The following MYLK variants were observed in gnomAD, a reference collection of about 807,000 sequenced individuals.
MYLK encodes myosin light chain kinase.
Under a neutral mutation model 203.4 loss-of-function variants are expected in MYLK, and 106 were observed. That is an observed-to-expected ratio of 0.52 (90% CI 0.45 to 0.61). MYLK has a LOEUF of 0.61. Ranked by LOEUF, MYLK falls within the 20% of genes least tolerant of loss-of-function variation. MYLK has a pLI of 0.00. For synonymous variants in MYLK, 867 were observed against 959.5 expected (o/e 0.90, Z 1.78); for missense variants, 2,072 against 2,442.3 (o/e 0.85, Z 3.20).
chr3:123,722,059 G>A (rs1576733269), intron 13 of MYLK, 69 bp downstream of exon 13: 2 of 1,539,606 alleles, frequency 1.3e-6, no homozygotes, highest in South Asian at 2.4e-5. Context: ...TTCTACAAAT[G>A]TGCCCTTCCT....
intron 13 of MYLK, among the ~76,000 whole-genome samples, chr3:123,714,687 GA>G (rs1346666092): frequency 2.0e-5 from 3 of 152,182 alleles, no homozygotes; most frequent in Admixed American, 6.5e-5. Flanking sequence ...CTTCTTTCTG[GA>G]GTGCAGAAAG....
chr3:123,756,421 T>C (rs2063361588), intron 4 of MYLK, among the ~76,000 whole-genome samples: 1 of 152,106 alleles, frequency 6.6e-6, no homozygotes, highest in African/African-American at 2.4e-5. Context: ...GTCAGTGTGG[T>C]ACAGAGAGGC....
At chr3:123,789,711 G>A (rs755799629) in intron 4 of MYLK, among the ~76,000 whole-genome samples, 47 of 151,120 alleles carry the variant, frequency 3.1e-4, no homozygotes, top group Non-Finnish European at 6.2e-4. Flanking sequence ...GGGAAGGAGA[G>A]GGGAGAGGAG....
At chr3:123,756,252 T>G (rs1162766992) in intron 4 of MYLK, among the ~76,000 whole-genome samples, 2 of 152,178 alleles carry the variant, frequency 1.3e-5, no homozygotes, top group Non-Finnish European at 2.9e-5. Context: ...CTAAATCCCT[T>G]ATAGGTTAAA....
chr3:123,689,023 T>C (rs902948672), intron 19 of MYLK, among the ~76,000 whole-genome samples: 1 of 152,198 alleles, frequency 6.6e-6, no homozygotes, highest in Non-Finnish European at 1.5e-5. Flanking sequence ...CCAGCTCCTA[T>C]GGCAGTGCCT....
At chr3:123,758,052 CAAA>C in intron 4 of MYLK, among the ~76,000 whole-genome samples, 1 of 129,424 alleles carries the variant, frequency 7.7e-6, no homozygotes, top group East Asian at 2.2e-4. Context: ...CGTGGTTGCA[CAAA>C]AAAAAAAAAG....
chr3:123,631,814 G>T (rs897524622), intron 29 of MYLK, among the ~76,000 whole-genome samples: 1 of 151,984 alleles, frequency 6.6e-6, no homozygotes, highest in Middle Eastern at 3.4e-3. Flanking sequence ...ACCTGTCCCC[G>T]AGTCTGCACT....
In MYLK at chr3:123,700,481, C is replaced by G. The variant is rs761654890; in HGVS notation, c.2987G>C (p.Gly996Ala). The change falls in exon 18 of 34, where the codon GGC (glycine) becomes GCC (alanine). Residue 996 changes from glycine (G) to alanine (A), a missense_variant. Transcript: ENST00000360304. ...GGKKKLPAEN[G>A]SSSAETLNAK... Reference sequence around the variant, plus strand: ...ATTCAGGGTCTCGGCACTGCTGCTGCCATTCTCTGCTGGTAATTTCTTCTT... The same window carrying G: ...ATTCAGGGTCTCGGCACTGCTGCTGGCATTCTCTGCTGGTAATTTCTTCTT... 2 of 1,607,676 alleles carry G rather than the reference C, an allele frequency of 1.2e-6. No individual in the cohort carries two copies. Among genetic ancestry groups the G allele is most frequent in the Non-Finnish European group, 1.7e-6 (2 of 1,175,598 alleles).
chr3:123,656,855 C>T (rs1248394223), intron 24 of MYLK, among the ~76,000 whole-genome samples: 1 of 152,188 alleles, frequency 6.6e-6, no homozygotes, highest in Non-Finnish European at 1.5e-5. Flanking sequence ...GCCGCTTGAA[C>T]TCCTATGCTC....
chr3:123,755,825 G>C (rs1281399662), intron 4 of MYLK, among the ~76,000 whole-genome samples: 1 of 152,082 alleles, frequency 6.6e-6, no homozygotes, highest in African/African-American at 2.4e-5. Context: ...TTTTCAGAGG[G>C]CTGCCATGTA....
At chr3:123,724,398 C>T (rs1378223016) in intron 12 of MYLK, among the ~76,000 whole-genome samples, 1 of 152,102 alleles carries the variant, frequency 6.6e-6, no homozygotes, top group East Asian at 1.9e-4. Flanking sequence ...TTTGTTGATA[C>T]TTAGTCTAGA....
At chr3:123,744,924 T>C (rs1381506737) in intron 5 of MYLK, among the ~76,000 whole-genome samples, 1 of 152,212 alleles carries the variant, frequency 6.6e-6, no homozygotes, top group East Asian at 1.9e-4. Flanking sequence ...TTAAGTCTCC[T>C]CTGATCCACA....
chr3:123,776,257 C>A (rs1273387317), intron 4 of MYLK, among the ~76,000 whole-genome samples: 2 of 152,112 alleles, frequency 1.3e-5, no homozygotes, highest in Admixed American at 6.6e-5. Flanking sequence ...CCAGATGTGA[C>A]AAGGCAAGTT....
At chr3:123,769,311 G>A (rs1368563334) in intron 4 of MYLK, among the ~76,000 whole-genome samples, 1 of 152,216 alleles carries the variant, frequency 6.6e-6, no homozygotes, top group African/African-American at 2.4e-5. Context: ...CTGGAAAAAT[G>A]AGAATATTTT....
At chr3:123,834,603 G>T (rs1349009002) in intron 2 of MYLK, among the ~76,000 whole-genome samples, 1 of 152,038 alleles carries the variant, frequency 6.6e-6, no homozygotes, top group Non-Finnish European at 1.5e-5. Context: ...TGCGCAGTGG[G>T]ATTATTGACT....
intron 4 of MYLK, among the ~76,000 whole-genome samples, chr3:123,770,429 T>C (rs2063841041): frequency 6.6e-6 from 1 of 152,248 alleles, no homozygotes; most frequent in African/African-American, 2.4e-5. Context: ...GAAGGGCAGC[T>C]AACATTGAAA....
intron 32 of MYLK, among the ~76,000 whole-genome samples, chr3:123,619,467 A>G (rs1341612442): frequency 2.0e-5 from 3 of 152,168 alleles, no homozygotes; most frequent in Non-Finnish European, 4.4e-5. Context: ...CAATAACCCT[A>G]CCTTTGCTCA....
rs147135953 is a variant in MYLK, at chr3:123,781,335, T to C, written c.165+12342A>G. ...CACCAAGTCTCCAGTAACTCTGCCCTCCAGTGGCTGGACAAATGGAATCCT... is the reference window on the plus strand; with the variant it reads ...CACCAAGTCTCCAGTAACTCTGCCCCCCAGTGGCTGGACAAATGGAATCCT... On this transcript the variant is annotated intron_variant, in intron 4 of 33. Transcript: ENST00000360304. Among the ~76,000 whole-genome samples, 237 of 152,308 alleles carry C rather than the reference T, an allele frequency of 1.6e-3. 2 individuals carry two copies. Among genetic ancestry groups the C allele is most frequent in the African/African-American group, 4.8e-3 (198 of 41,568 alleles).
Position 123,793,795 on chromosome 3 carries a change from G to A in MYLK, c.47C>T (p.Ser16Phe), listed in dbSNP as rs1232197656. Reference sequence around the variant, plus strand: ...AACTCTTGAGGGATCCACACTGAGGGAGGTTTTGGAAATGTGTGACGAGGC... The same window carrying A: ...AACTCTTGAGGGATCCACACTGAGGAAGGTTTTGGAAATGTGTGACGAGGC... ...LVASSHISKT[S>F]LSVDPSRVDS... is the part of the protein sequence containing the mutation. Residue 16 changes from serine (S) to phenylalanine (F), a missense_variant, in exon 4 of 34, where the codon TCC (serine) becomes TTC (phenylalanine). Physicochemically the swap from Ser to Phe is radical, Grantham distance 155. Coordinates refer to ENST00000360304, the MANE Select transcript of MYLK (RefSeq NM_053025.4). 7 of 1,614,140 alleles carry A rather than the reference G, an allele frequency of 4.3e-6. No individual in the cohort carries two copies. The highest frequency in any genetic ancestry group is 2.2e-5 in the East Asian group (1 of 44,890).
Sources: allele counts gnomAD v4.1 joint callset (sites outside exome capture counted in the v4.1 genomes callset), GRCh38; gene constraint gnomAD v4.1.1; transcripts MANE v1.5; gene names NCBI Gene and HGNC (gene_info 2026-07-23, HGNC 2026-07-21).